Variants in WDR70 observed in about 807,000 individuals in gnomAD.
WDR70 encodes the protein WD repeat-containing protein 70.
WDR70 carries 53 observed loss-of-function variants against 88.6 expected under a neutral mutation model. The ratio of observed to expected loss-of-function variants is 0.60; its 90% CI spans 0.48 to 0.75. The LOEUF (loss-of-function observed/expected upper bound fraction) is 0.75, where lower values mean the gene tolerates loss of function less well. Among genes scored for constraint, WDR70 ranks in the 30% least tolerant of loss-of-function variants. The pLI is 0.00. For synonymous variants in WDR70, 280 were observed against 270.0 expected (o/e 1.04, Z -0.36); for missense variants, 610 against 823.2 (o/e 0.74, Z 3.17).
chr5:37,671,075 G>A (rs1281744509), intron 10 of WDR70, among the ~76,000 whole-genome samples: 1 of 152,116 alleles, frequency 6.6e-6, no homozygotes, highest in Non-Finnish European at 1.5e-5. Flanking sequence ...TCCTGGTATA[G>A]TAAGTAACCC....
intron 7 of WDR70, among the ~76,000 whole-genome samples, chr5:37,474,042 T>C (rs914367023): frequency 6.6e-6 from 1 of 152,232 alleles, no homozygotes; most frequent in Non-Finnish European, 1.5e-5. Flanking sequence ...TTCATTATCA[T>C]TCAGTTAACA....
At chr5:37,516,480 A>AC (rs747654925) in intron 8 of WDR70, 34 bp from the exon 9 acceptor site, 2 of 1,397,984 alleles carry the variant, frequency 1.4e-6, no homozygotes, top group South Asian at 2.6e-5. Flanking sequence ...CCTTTTTAAA[A>AC]CATCTTTTTT....
chr5:37,655,151 A>T (rs999888206), intron 10 of WDR70, among the ~76,000 whole-genome samples: 1 of 152,110 alleles, frequency 6.6e-6, no homozygotes, highest in African/African-American at 2.4e-5. Flanking sequence ...TGGTGACAGA[A>T]TCTCTCAGCT....
chr5:37,534,218 C>T (rs998504498), intron 9 of WDR70, among the ~76,000 whole-genome samples: 4 of 152,128 alleles, frequency 2.6e-5, no homozygotes, highest in Non-Finnish European at 1.5e-5. Flanking sequence ...CCTGTCTGAG[C>T]GGGAGCTGCA....
chr5:37,647,895 A>G (rs999909978), intron 10 of WDR70, among the ~76,000 whole-genome samples: 4 of 152,100 alleles, frequency 2.6e-5, no homozygotes, highest in African/African-American at 9.7e-5. Context: ...CAAGAGAGAG[A>G]GTGTGGGGGT....
intron 5 of WDR70, among the ~76,000 whole-genome samples, chr5:37,415,700 C>T (rs1749710950): frequency 6.6e-6 from 1 of 151,204 alleles, no homozygotes; most frequent in South Asian, 2.1e-4. Context: ...CGGAGGGGCT[C>T]CTCACTTCTC....
intron 8 of WDR70, among the ~76,000 whole-genome samples, chr5:37,483,366 C>T (rs1283364910): frequency 1.3e-5 from 2 of 152,026 alleles, no homozygotes; most frequent in Non-Finnish European, 2.9e-5. Context: ...CGCCCTTAAT[C>T]CATTTAACCC....
intron 17 of WDR70, among the ~76,000 whole-genome samples, chr5:37,747,967 C>T (rs542402651): frequency 5.0e-4 from 76 of 152,058 alleles, no homozygotes; most frequent in Non-Finnish European, 8.8e-4. Flanking sequence ...AACTACAAAC[C>T]ACTGATCAAG....
intron 9 of WDR70, among the ~76,000 whole-genome samples, chr5:37,576,636 C>T (rs533855921): frequency 7.9e-4 from 120 of 152,160 alleles, no homozygotes; most frequent in African/African-American, 2.4e-3. Flanking sequence ...TATCAAAGAA[C>T]GCTTTCTTAC....
intron 9 of WDR70, among the ~76,000 whole-genome samples, chr5:37,563,560 C>CCG: frequency 2.6e-5 from 1 of 39,140 alleles, no homozygotes; most frequent in African/African-American, 4.0e-4. Context: ...GGGGGGCTGA[C>CCG]CCCCCCCCAC....
At chr5:37,555,188 A>G (rs917952208) in intron 9 of WDR70, among the ~76,000 whole-genome samples, 3 of 152,170 alleles carry the variant, frequency 2.0e-5, no homozygotes, top group Non-Finnish European at 4.4e-5. Flanking sequence ...GAAAAGCCCA[A>G]CCAGTTCACA....
intron 10 of WDR70, among the ~76,000 whole-genome samples, chr5:37,638,074 A>G (rs1745019361): frequency 6.6e-6 from 1 of 151,890 alleles, no homozygotes; most frequent in Admixed American, 6.6e-5. Context: ...ATTCTCATAT[A>G]TTTTCTGAGC....
intron 3 of WDR70, among the ~76,000 whole-genome samples, chr5:37,387,303 C>T (rs147855942): frequency 0.014 from 2,082 of 152,142 alleles, 48 homozygotes; most frequent in African/African-American, 0.048. Context: ...GGTGTAGTAG[C>T]TTATAAACAG....
intron 10 of WDR70, among the ~76,000 whole-genome samples, chr5:37,643,129 C>T (rs1214414853): frequency 6.6e-6 from 1 of 151,984 alleles, no homozygotes; most frequent in Non-Finnish European, 1.5e-5. Flanking sequence ...AGATCTTAGA[C>T]TTAAGTCTTT....
intron 10 of WDR70, among the ~76,000 whole-genome samples, chr5:37,624,525 C>T (rs925796753): frequency 6.6e-6 from 1 of 152,152 alleles, no homozygotes; most frequent in African/African-American, 2.4e-5. Context: ...CTTTTTGACA[C>T]ACTGATTTTC....
intron 3 of WDR70, among the ~76,000 whole-genome samples, chr5:37,382,600 TG>T: frequency 6.6e-6 from 1 of 152,188 alleles, no homozygotes; most frequent in Admixed American, 6.5e-5. Flanking sequence ...TTAGTAGAGA[TG>T]GGGTTTCACC....
intron 17 of WDR70, among the ~76,000 whole-genome samples, chr5:37,736,732 A>G (rs1748317172): frequency 6.6e-6 from 1 of 151,696 alleles, no homozygotes; most frequent in South Asian, 2.1e-4. Context: ...GAATCTGAAT[A>G]TTAAGAGGTG....
At chr5:37,449,756 T>C (rs1218158712) in intron 7 of WDR70, among the ~76,000 whole-genome samples, 1 of 152,130 alleles carries the variant, frequency 6.6e-6, no homozygotes. Flanking sequence ...ATTATTATTA[T>C]TTTTACTATA....
chr5:37,705,454 A>C (rs865874897), intron 13 of WDR70, among the ~76,000 whole-genome samples: 3 of 152,252 alleles, frequency 2.0e-5, no homozygotes, highest in Middle Eastern at 6.8e-3. Context: ...TTCAAATAGG[A>C]ACAAAACCAC....
Sources: gnomAD v4.1 joint callset for allele counts (sites outside exome capture counted in the v4.1 genomes callset) on GRCh38, gnomAD v4.1.1 for gene constraint, MANE v1.5 for transcripts, NCBI Gene and HGNC (gene_info 2026-07-23, HGNC 2026-07-21) for gene names.